Variants in SWAP70 observed in about 807,000 individuals in gnomAD.
The protein encoded by SWAP70 is switching B cell complex subunit SWAP70.
SWAP70 carries 34 observed loss-of-function variants against 80.2 expected under a neutral mutation model. The observed-to-expected ratio is 0.42, with a 90% CI of 0.32 to 0.56. SWAP70 has a LOEUF of 0.56. SWAP70 is among the 20% of genes least tolerant of loss of function. SWAP70 has a pLI of 0.09. For missense variants in SWAP70, 578 were observed against 690.7 expected (o/e 0.84, Z 1.83); for synonymous variants, 239 against 238.5 (o/e 1.00, Z -0.02).
At chr11:9,726,246 A>G (rs529789843) in intron 4 of SWAP70, among the ~76,000 whole-genome samples, 8 of 152,360 alleles carry the variant, frequency 5.3e-5, no homozygotes, top group Non-Finnish European at 1.0e-4. Flanking sequence ...AGCACCCAGC[A>G]TAGCAGATGA....
intron 1 of SWAP70, among the ~76,000 whole-genome samples, chr11:9,691,091 T>G (rs984265193): frequency 6.6e-6 from 1 of 152,146 alleles, no homozygotes; most frequent in African/African-American, 2.4e-5. Flanking sequence ...CTAGCTTTTG[T>G]ACTTTCTATA....
intron 1 of SWAP70, among the ~76,000 whole-genome samples, chr11:9,670,519 T>C (rs1243825159): frequency 1.3e-5 from 2 of 151,756 alleles, no homozygotes; most frequent in Non-Finnish European, 2.9e-5. Context: ...CTGGGAAAAT[T>C]TGGGGTTGTC....
chr11:9,701,618 T>TG (rs148892573), intron 2 of SWAP70, among the ~76,000 whole-genome samples: 1 of 138,920 alleles, frequency 7.2e-6, no homozygotes, highest in Non-Finnish European at 1.5e-5. Context: ...CCTTGTCTGT[T>TG]AAAAAAAAAA....
At chr11:9,736,224 A>G (rs1851361287) in intron 7 of SWAP70, among the ~76,000 whole-genome samples, 1 of 151,932 alleles carries the variant, frequency 6.6e-6, no homozygotes, top group Non-Finnish European at 1.5e-5. Flanking sequence ...TCTCTTTATT[A>G]TTCTCTATTT....
At chr11:9,693,314 A>G (rs1337474535) in intron 1 of SWAP70, among the ~76,000 whole-genome samples, 1 of 152,226 alleles carries the variant, frequency 6.6e-6, no homozygotes, top group Non-Finnish European at 1.5e-5. Context: ...AACAAGATTA[A>G]TACTAAGGTA....
intron 4 of SWAP70, among the ~76,000 whole-genome samples, chr11:9,725,607 C>G (rs1851213527): frequency 7.5e-6 from 1 of 132,548 alleles, no homozygotes; most frequent in Non-Finnish European, 1.6e-5. Context: ...GAATTTCACG[C>G]TGTCACCAGG....
chr11:9,676,653 T>G (rs1013075720), intron 1 of SWAP70, among the ~76,000 whole-genome samples: 2 of 150,526 alleles, frequency 1.3e-5, no homozygotes, highest in African/African-American at 4.9e-5. Context: ...ATGCAGTTTT[T>G]TTTTTTTTTT....
chr11:9,725,817 GC>G (rs1468423256), intron 4 of SWAP70, among the ~76,000 whole-genome samples: 1 of 151,940 alleles, frequency 6.6e-6, no homozygotes, highest in Non-Finnish European at 1.5e-5. Flanking sequence ...TGATCCACCA[GC>G]CTTGGCCTCC....
chr11:9,700,654 A>G (rs902319532), intron 2 of SWAP70, among the ~76,000 whole-genome samples: 1 of 152,202 alleles, frequency 6.6e-6, no homozygotes, highest in Non-Finnish European at 1.5e-5. Context: ...AACCTAAGCC[A>G]TTTAATTTCA....
Position 9,664,424 on chromosome 11 carries a change from G to T in SWAP70, c.99+146G>T, listed in dbSNP as rs536192431. 56 of 857,862 alleles carry T rather than the reference G, an allele frequency of 6.5e-5. No homozygotes were observed. The East Asian group carries it at 1.5e-3, about 23-fold the overall frequency. The allele number at this position is 857,862 out of a possible 1,614,324, so 53.1% of individuals were successfully genotyped here. Reference sequence around the variant, plus strand: ...GGTAGGCCCGCTTGGGGCGGAGTGGGTCTGAGACCGGGATTTGGTGTTTAC... The same window carrying T: ...GGTAGGCCCGCTTGGGGCGGAGTGGTTCTGAGACCGGGATTTGGTGTTTAC... On this transcript the variant is annotated intron_variant, in intron 1 of 11. Coordinates refer to ENST00000318950, the MANE Select transcript of SWAP70 (RefSeq NM_015055.4).
chr11:9,720,548 A>G (rs1851121249), intron 3 of SWAP70: 1 of 925,994 alleles, frequency 1.1e-6, no homozygotes, highest in Non-Finnish European at 1.3e-6. Flanking sequence ...CGGCTCTACC[A>G]TCTTGTCTCA....
chr11:9,732,891 C>T (rs1485571695), intron 7 of SWAP70, among the ~76,000 whole-genome samples, 181 bp downstream of exon 7: 5 of 152,130 alleles, frequency 3.3e-5, no homozygotes, highest in Non-Finnish European at 5.9e-5. Context: ...TTTTCCTAGC[C>T]CTGAAACTAT....
Position 9,748,053 on chromosome 11 carries a change from C to G in SWAP70, c.1551C>G (p.Tyr517Ter). 6.2e-7 allele frequency: 1 copy of G among 1,613,796 alleles called. No homozygotes were observed. The highest frequency in any genetic ancestry group is 1.1e-5 in the South Asian group (1 of 91,074). The change falls in exon 10 of 12, where the codon TAC (tyrosine) becomes TAG (stop). Residue 517 changes from tyrosine to a stop codon, truncating the protein, a stop_gained. Coordinates refer to ENST00000318950, the MANE Select transcript of SWAP70 (RefSeq NM_015055.4). LOFTEE classifies it high-confidence loss of function. ...ELERKQALEQ[Y>*]EEVKKKLEMA... ...AACGGAAGCAAGCACTTGAGCAGTA[C>G]GAGGTAATGAGACTTGGCCCTGCAA... is the stretch of plus-strand genomic sequence containing the variant.
intron 3 of SWAP70, among the ~76,000 whole-genome samples, chr11:9,715,849 CT>C (rs901950231): frequency 2.0e-5 from 3 of 152,212 alleles, no homozygotes; most frequent in African/African-American, 7.2e-5. Flanking sequence ...CAGAACTCAA[CT>C]TTTCCTGGAA....
At chr11:9,744,801 G>T (rs57590863) in intron 9 of SWAP70, among the ~76,000 whole-genome samples, 4 of 151,886 alleles carry the variant, frequency 2.6e-5, no homozygotes, top group African/African-American at 9.7e-5. Context: ...CCAGCTACTC[G>T]GGAGGCTGAG....
intron 2 of SWAP70, 79 bp downstream of exon 2, chr11:9,694,365 G>C (rs916113300): frequency 3.4e-6 from 5 of 1,458,390 alleles, no homozygotes; most frequent in Non-Finnish European, 4.6e-6. Flanking sequence ...CCCTGTTGGT[G>C]AGTTCACTAA....
chr11:9,745,171 C>A (rs1851496700), intron 9 of SWAP70, among the ~76,000 whole-genome samples: 1 of 152,162 alleles, frequency 6.6e-6, no homozygotes, highest in Non-Finnish European at 1.5e-5. Flanking sequence ...AGACTGGGCT[C>A]TGGAATGAGG....
chr11:9,695,248 C>T (rs934397131), intron 2 of SWAP70, among the ~76,000 whole-genome samples: 4 of 151,544 alleles, frequency 2.6e-5, no homozygotes, highest in Non-Finnish European at 5.9e-5. Context: ...GAGTCGAGAT[C>T]ACGCCATTGC....
chr11:9,745,728 G>A (rs1294291639), intron 9 of SWAP70, among the ~76,000 whole-genome samples: 1 of 152,180 alleles, frequency 6.6e-6, no homozygotes, highest in African/African-American at 2.4e-5. Context: ...TTGATGGTAG[G>A]TGTAGTTTCT....
Sources: allele counts gnomAD v4.1 joint callset (sites outside exome capture counted in the v4.1 genomes callset), GRCh38; gene constraint gnomAD v4.1.1; transcripts MANE v1.5; gene names NCBI Gene and HGNC (gene_info 2026-07-23, HGNC 2026-07-21).